CADM2: variants seen among roughly 807,000 people sequenced by gnomAD.
The protein encoded by CADM2 is cell adhesion molecule 2, also known as immunoglobulin superfamily member 4D.
A neutral mutation model predicts 49.8 loss-of-function variants in CADM2; 12 were observed. The observed-to-expected ratio is 0.24, with a 90% CI of 0.15 to 0.39. The LOEUF is 0.39. Ranked by LOEUF, CADM2 falls within the 10% of genes least tolerant of loss-of-function variation. The pLI is 1.00. For synonymous variants in CADM2, 214 were observed against 175.4 expected (o/e 1.22, Z -1.74); for missense variants, 378 against 492.3 (o/e 0.77, Z 2.20).
intron 1 of CADM2, among the ~76,000 whole-genome samples, chr3:85,419,940 T>G (rs938766076): frequency 4.6e-5 from 7 of 152,172 alleles, no homozygotes; most frequent in African/African-American, 1.7e-4. Flanking sequence ...GTTTATGAAT[T>G]TGTATTTCTG....
intron 1 of CADM2, among the ~76,000 whole-genome samples, chr3:85,637,059 G>C (rs1240736043): frequency 1.3e-5 from 2 of 148,902 alleles, no homozygotes; most frequent in African/African-American, 5.0e-5. Context: ...TATCCTGAAA[G>C]GTAAATATTA....
intron 1 of CADM2, among the ~76,000 whole-genome samples, chr3:85,094,079 A>G (rs2107529134): frequency 6.6e-6 from 1 of 152,238 alleles, no homozygotes; most frequent in Admixed American, 6.5e-5. Context: ...AGGTCTGCCA[A>G]GTTTGTTAAA....
chr3:85,818,479 A>G (rs2073355196), intron 3 of CADM2, among the ~76,000 whole-genome samples: 1 of 152,166 alleles, frequency 6.6e-6, no homozygotes, highest in Non-Finnish European at 1.5e-5. Flanking sequence ...CTGTGTGTTG[A>G]CTGGGTATCT....
chr3:85,416,576 T>A (rs1576514423), intron 1 of CADM2, among the ~76,000 whole-genome samples: 1 of 152,270 alleles, frequency 6.6e-6, no homozygotes, highest in Non-Finnish European at 1.5e-5. Context: ...GCTTTGTCCC[T>A]AATGCCCCCA....
chr3:85,928,857 C>A (rs948199510), intron 6 of CADM2, among the ~76,000 whole-genome samples: 3 of 151,870 alleles, frequency 2.0e-5, no homozygotes, highest in Admixed American at 2.0e-4. Flanking sequence ...GACACACAAT[C>A]GAGTAAGTTA....
intron 1 of CADM2, among the ~76,000 whole-genome samples, chr3:85,397,868 A>G (rs1433623528): frequency 1.3e-5 from 2 of 152,222 alleles, no homozygotes; most frequent in Non-Finnish European, 2.9e-5. Context: ...TTAAAATGAT[A>G]AATTTTTGTG....
chr3:85,311,506 A>G (rs1985716), intron 1 of CADM2, among the ~76,000 whole-genome samples: 31,526 of 151,418 alleles, frequency 0.21, 5,016 homozygotes, highest in African/African-American at 0.45. Context: ...CTCCCGAGTA[A>G]CTGGGACTAC....
rs1030908319 is a variant in CADM2 at position 85,325,555 on chromosome 3, C to T, written c.61+365887C>T. Among the ~76,000 whole-genome samples the T allele has an allele frequency of 1.1e-4, 16 of 151,888 alleles. 1 individual carries two copies. The highest frequency in any genetic ancestry group is 9.2e-4 in the Admixed American group (14 of 15,224). ...CGAAACCCCGTTTCTGCTAAAAATA[C>T]AAAAATTAGCCAGGCGCCCAGCTAC... On this transcript the variant is annotated intron_variant, in intron 1 of 9. Transcript: ENST00000383699.
intron 1 of CADM2, among the ~76,000 whole-genome samples, chr3:85,254,351 G>C (rs1318193353): frequency 6.6e-6 from 1 of 151,870 alleles, no homozygotes; most frequent in Non-Finnish European, 1.5e-5. Context: ...GTCATTTTGG[G>C]GTTTTATGAG....
chr3:85,539,854 T>A lies in CADM2; in HGVS notation c.62-186668T>A, dbSNP rs187506498. 4.1e-4 allele frequency among the ~76,000 whole-genome samples: 62 copies of A among 152,188 alleles called. 1 individual carries two copies. In the East Asian group the frequency reaches 4.3e-3, roughly 10 times the overall value. ...GTGGTGTCGTTGGATAAAATCAGGA[T>A]TTCAATTTTTTAAATACAAAGTTTG... On this transcript the variant is annotated intron_variant, in intron 1 of 9. Coordinates refer to ENST00000383699, the MANE Select transcript of CADM2 (RefSeq NM_001167675.2).
At chr3:85,549,909 GAC>G (rs2061760090) in intron 1 of CADM2, among the ~76,000 whole-genome samples, 1 of 151,632 alleles carries the variant, frequency 6.6e-6, no homozygotes, top group Non-Finnish European at 1.5e-5. Context: ...TGGGATTACA[GAC>G]ATGACTCACC....
At chr3:85,608,011 C>T (rs568419135) in intron 1 of CADM2, among the ~76,000 whole-genome samples, 94 of 152,132 alleles carry the variant, frequency 6.2e-4, no homozygotes, top group African/African-American at 2.1e-3. Flanking sequence ...TTTCTGAATT[C>T]ATTACCTCGT....
chr3:85,705,199 G>A (rs1354999735), intron 1 of CADM2, among the ~76,000 whole-genome samples: 1 of 147,156 alleles, frequency 6.8e-6, no homozygotes, highest in Non-Finnish European at 1.5e-5. Flanking sequence ...CAAATAATGA[G>A]TAAATTATAA....
intron 1 of CADM2, among the ~76,000 whole-genome samples, chr3:85,211,608 T>A (rs1344419284): frequency 6.6e-6 from 1 of 152,184 alleles, no homozygotes; most frequent in African/African-American, 2.4e-5. Flanking sequence ...CCTCTTTGTG[T>A]TGATTCCTAG....
chr3:85,389,348 A>C (rs2107388921), intron 1 of CADM2, among the ~76,000 whole-genome samples: 1 of 152,260 alleles, frequency 6.6e-6, no homozygotes, highest in South Asian at 2.1e-4. Context: ...TTGAGTAATT[A>C]AATAATTGTC....
intron 2 of CADM2, among the ~76,000 whole-genome samples, chr3:85,795,639 C>A (rs1032306616): frequency 2.0e-5 from 3 of 152,080 alleles, no homozygotes; most frequent in Non-Finnish European, 4.4e-5. Flanking sequence ...ACATTAGTTT[C>A]TTTCTTCTAT....
chr3:85,500,166 C>T (rs1044905489), intron 1 of CADM2, among the ~76,000 whole-genome samples: 13 of 152,024 alleles, frequency 8.6e-5, no homozygotes, highest in Non-Finnish European at 7.4e-5. Flanking sequence ...TTCAGTTTTT[C>T]CTAACATTCT....
At chr3:85,837,583 C>A (rs1466637533) in intron 3 of CADM2, among the ~76,000 whole-genome samples, 1 of 151,504 alleles carries the variant, frequency 6.6e-6, no homozygotes, top group Non-Finnish European at 1.5e-5. Flanking sequence ...CGTCATCATT[C>A]TTTGGAACTG....
intron 8 of CADM2, among the ~76,000 whole-genome samples, chr3:86,042,237 A>T (rs1481261755): frequency 1.3e-5 from 2 of 152,184 alleles, no homozygotes; most frequent in Non-Finnish European, 2.9e-5. Context: ...TCAGAGCAGA[A>T]CTGAAGGAAA....
Sources: gnomAD v4.1 joint callset for allele counts (sites outside exome capture counted in the v4.1 genomes callset) on GRCh38, gnomAD v4.1.1 for gene constraint, MANE v1.5 for transcripts, NCBI Gene and HGNC (gene_info 2026-07-23, HGNC 2026-07-21) for gene names.